The following BROX variants were observed in gnomAD, a reference collection of about 807,000 sequenced individuals.
BROX encodes BRO1 domain and CAAX motif containing.
BROX carries 53 observed loss-of-function variants against 61.0 expected under a neutral mutation model. The ratio of observed to expected loss-of-function variants is 0.87; its 90% CI spans 0.70 to 1.09. The LOEUF is 1.09. BROX is among the 50% of genes least tolerant of loss of function. The pLI is 0.00. For missense variants in BROX, 489 were observed against 472.0 expected, an observed-to-expected ratio of 1.04 and a Z score of -0.33; for synonymous variants, 152 against 160.2, an observed-to-expected ratio of 0.95 and a Z score of 0.38.
At chr1:222,715,864 G>C in intron 2 of BROX, 64 bp downstream of exon 2, 1 of 862,022 alleles carries the variant, frequency 1.2e-6, no homozygotes, top group Non-Finnish European at 1.9e-6. Context: ...TGGCAATACA[G>C]AAATATGTAA....
At chr1:222,718,856 T>C (rs1656838123) in intron 2 of BROX, 69 bp from the exon 3 acceptor site, 2 of 1,278,098 alleles carry the variant, frequency 1.6e-6, no homozygotes. Context: ...CATTGAAACC[T>C]GGAAGCCACT....
At chr1:222,719,242 A>AT (rs1173482552) in intron 3 of BROX, 21 bp from the exon 4 acceptor site, 2 of 1,511,578 alleles carry the variant, frequency 1.3e-6, no homozygotes, top group African/African-American at 2.8e-5. Flanking sequence ...TAAAACTAAA[A>AT]TGTCTTGTAC....
At chr1:222,716,126 T>C (rs1656587696) in intron 2 of BROX, among the ~76,000 whole-genome samples, 1 of 152,114 alleles carries the variant, frequency 6.6e-6, no homozygotes, top group African/African-American at 2.4e-5. Flanking sequence ...GAGATGGAGT[T>C]TCACTCTTGT....
At chr1:222,717,550 C>G (rs1182571648) in intron 2 of BROX, among the ~76,000 whole-genome samples, 3 of 152,174 alleles carry the variant, frequency 2.0e-5, no homozygotes. Flanking sequence ...AAATTTCTGC[C>G]TAGTCCAGGA....
intron 1 of BROX, among the ~76,000 whole-genome samples, chr1:222,714,445 G>T (rs1244316516): frequency 6.6e-6 from 1 of 150,488 alleles, no homozygotes; most frequent in African/African-American, 2.4e-5. Context: ...TGATCTGCCC[G>T]CCTCGGCCTC....
chr1:222,724,206 T>C, intron 6 of BROX, 42 bp downstream of exon 6: 1 of 1,484,146 alleles, frequency 6.7e-7, no homozygotes, highest in Non-Finnish European at 9.2e-7. Context: ...TCTTAATGCT[T>C]TAATTCTTGA....
chr1:222,717,811 T>C (rs1656749059), intron 2 of BROX: 1 of 152,222 alleles, frequency 6.6e-6, no homozygotes, highest in South Asian at 2.1e-4. Context: ...TGAAAAGTTA[T>C]TCTTTTTCCA....
chr1:222,713,449 G>T, intron 1 of BROX: 10 of 985,070 alleles, frequency 1.0e-5, no homozygotes, highest in Non-Finnish European at 1.2e-5. Context: ...GGCTTCCGGG[G>T]TGGGGGTCCC....
intron 2 of BROX, among the ~76,000 whole-genome samples, chr1:222,718,327 G>A (rs537511411): frequency 1.3e-5 from 2 of 152,238 alleles, no homozygotes; most frequent in Admixed American, 1.3e-4. Flanking sequence ...TTAGGGAGCA[G>A]TTTTAAAACA....
chr1:222,719,431 C>G, intron 4 of BROX, 72 bp downstream of exon 4: 1 of 1,049,928 alleles, frequency 9.5e-7, no homozygotes, highest in South Asian at 1.4e-5. Context: ...TAACTCATAG[C>G]CTTTGTATTT....
chr1:222,718,293 T>C (rs994298209), intron 2 of BROX, among the ~76,000 whole-genome samples: 1 of 152,182 alleles, frequency 6.6e-6, no homozygotes, highest in Non-Finnish European at 1.5e-5. Flanking sequence ...TTTATTGCTA[T>C]AGAGAAGTAA....
Position 222,734,673 on chromosome 1 carries a change from C to T in BROX, c.*1959C>T, listed in dbSNP as rs934760986. ...TTATGTTGTCTTTATTACAGAATCA[C>T]TTGTCTGTTTGTTGTGTGCCACTTA... On this transcript the variant is annotated 3_prime_UTR_variant, in exon 13 of 13. Coordinates refer to ENST00000340934, the MANE Select transcript of BROX (RefSeq NM_144695.4). 2.0e-5 allele frequency: 3 copies of T among 152,184 alleles called. No individual in the cohort carries two copies. The highest frequency in any genetic ancestry group is 4.8e-5 in the African/African-American group (2 of 41,442). The allele number at this position is 152,184 out of a possible 1,614,324, so 9.4% of individuals were successfully genotyped here. A position where few individuals can be genotyped will look rare whatever the true frequency, so the allele number is the denominator to read the frequency against.
At chr1:222,727,460 G>T (rs1657589603) in intron 8 of BROX, among the ~76,000 whole-genome samples, 1 of 152,174 alleles carries the variant, frequency 6.6e-6, no homozygotes, top group South Asian at 2.1e-4. Flanking sequence ...AACCAGTGAT[G>T]TCTCATAAAA....
Position 222,728,767 on chromosome 1 carries a change from C to G in BROX, c.695C>G (p.Pro232Arg). The G allele has an allele frequency of 6.2e-7, 1 of 1,602,424 alleles. No homozygotes were observed. The highest frequency in any genetic ancestry group is 8.5e-7 in the Non-Finnish European group (1 of 1,171,400). ...GATCATACTTTATCCAGTTTGGAGCCTGCATATTCTGCCAAATGGAGAAAA... is the reference window on the plus strand; with the variant it reads ...GATCATACTTTATCCAGTTTGGAGCGTGCATATTCTGCCAAATGGAGAAAA... The part of the protein sequence containing the change: ...KADHTLSSLE[P>R]AYSAKWRKYL... Residue 232 changes from proline to arginine, a missense_variant, in exon 9 of 13, where the codon CCT becomes CGT. Pro to Arg is a moderately radical substitution (Grantham distance 103, BLOSUM62 -2). Transcript: ENST00000340934.
intron 1 of BROX, chr1:222,713,711 G>A (rs1374239873): frequency 6.6e-6 from 1 of 152,326 alleles, no homozygotes; most frequent in African/African-American, 2.4e-5. Flanking sequence ...CAGGAAGTAG[G>A]AGGCCGCATT....
Position 222,712,834 on chromosome 1 carries a change from C to G in BROX, c.-125C>G. ...GGCGCCGTCCTGGTTTTCCGTCACCCTGGTTCTGTAGTCTCGGTTCTCCGA... is the reference window on the plus strand; with the variant it reads ...GGCGCCGTCCTGGTTTTCCGTCACCGTGGTTCTGTAGTCTCGGTTCTCCGA... On this transcript the variant is annotated 5_prime_UTR_variant, in exon 1 of 13. Coordinates refer to ENST00000340934, the MANE Select transcript of BROX (RefSeq NM_144695.4). The G allele has an allele frequency of 7.8e-7, 1 of 1,287,368 alleles. No homozygotes were observed. Among genetic ancestry groups the G allele is most frequent in the Non-Finnish European group, 1.0e-6 (1 of 987,540 alleles). 79.7% of individuals were successfully genotyped at this position (1,287,368 alleles called of 1,614,324 possible). A position where few individuals can be genotyped will look rare whatever the true frequency, so the allele number is the denominator to read the frequency against.
At position 222,715,668 on chromosome 1, in the gene BROX, AC is replaced by A; in HGVS notation, c.-16-15del. 8.5e-7 allele frequency: 1 copy of A among 1,174,630 alleles called. No individual in the cohort carries two copies. The highest frequency in any genetic ancestry group is 1.2e-6 in the Non-Finnish European group (1 of 861,214). 72.8% of individuals were successfully genotyped at this position (1,174,630 alleles called of 1,614,324 possible). On this transcript the variant is annotated splice_polypyrimidine_tract_variant and intron_variant, in intron 1 of 12. Coordinates refer to ENST00000340934, the MANE Select transcript of BROX (RefSeq NM_144695.4). ...TATATTTAATTTTTGTATATTTTTT[AC>A]TTTTTTGTCTATAGAAAACATCTGG... is the stretch of plus-strand genomic sequence containing the variant.
chr1:222,719,290 C>T lies in BROX; in HGVS notation c.236C>T (p.Thr79Ile), dbSNP rs1301521499. Residue 79 changes from threonine (T) to isoleucine (I), a missense_variant, in exon 4 of 13, where the codon ACC becomes ATC. Coordinates refer to ENST00000340934, the MANE Select transcript of BROX (RefSeq NM_144695.4). ...TTCATAAATTCTTTGGATGAATCTA[C>T]CCAAGAAAGCAAGTTACGATATATT... is the stretch of plus-strand genomic sequence containing the variant. The part of the protein sequence containing the change: ...QGFINSLDES[T>I]QESKLRYIQN... 11 of 1,603,414 alleles carry T rather than the reference C, an allele frequency of 6.9e-6. No homozygotes were observed. In the South Asian group the frequency reaches 1.1e-4, roughly 16 times the overall value.
chr1:222,725,476 A>T lies in BROX; in HGVS notation c.501A>T (p.Thr167=), dbSNP rs776970435. The change falls in exon 7 of 13, where the codon ACA becomes ACT. Residue 167 remains threonine, a synonymous_variant. Coordinates refer to ENST00000340934, the MANE Select transcript of BROX (RefSeq NM_144695.4). ...AAAGTCATCTCCCAAAACTCATTAC[A>T]CCTGCGGAAAAAGGAAGAGATTTAG... ...LKESHLPKLI[T]PAEKGRDLES... The T allele has an allele frequency of 6.2e-7, 1 of 1,612,184 alleles. No homozygotes were observed. Among genetic ancestry groups the T allele is most frequent in the Non-Finnish European group, 8.5e-7 (1 of 1,179,350 alleles).
Sources: allele counts gnomAD v4.1 joint callset (sites outside exome capture counted in the v4.1 genomes callset), GRCh38; gene constraint gnomAD v4.1.1; transcripts MANE v1.5; gene names NCBI Gene and HGNC (gene_info 2026-07-23, HGNC 2026-07-21).